RTN2: variants seen among roughly 807,000 people sequenced by gnomAD.
The protein encoded by RTN2 is reticulon-2.
Under a neutral mutation model 63.7 loss-of-function variants are expected in RTN2, and 36 were observed. That is an observed-to-expected ratio of 0.56 (90% CI 0.43 to 0.75). The LOEUF (loss-of-function observed/expected upper bound fraction) is 0.75, where lower values mean the gene tolerates loss of function less well. RTN2 is among the 30% of genes least tolerant of loss of function. The probability of loss-of-function intolerance (pLI) is 0.00; values close to 1 mark genes in which losing one functional copy is unlikely to be tolerated. For synonymous variants in RTN2, 312 were observed against 313.0 expected (o/e 1.00, Z 0.03); for missense variants, 673 against 705.1 (o/e 0.95, Z 0.52).
rs1968285052 is a variant in RTN2 at position 45,496,924 on chromosome 19, G to T, written c.-99C>A. On this transcript the variant is annotated 5_prime_UTR_variant, in exon 1 of 11. Coordinates refer to ENST00000245923, the MANE Select transcript of RTN2 (RefSeq NM_005619.5). The stretch of plus-strand genomic sequence containing the variant: ...TCATCTCCGCCGCGCCCACGACGCC[G>T]CTGCCATTCTCGCCGCCTCCTCCTC... 3 of 660,316 alleles carry T rather than the reference G, an allele frequency of 4.5e-6. No individual in the cohort carries two copies. The highest frequency in any genetic ancestry group is 6.6e-6 in the Non-Finnish European group (3 of 451,516). 40.9% of individuals were successfully genotyped at this position (660,316 alleles called of 1,614,324 possible).
chr19:45,487,193 G>A (rs1027830954), intron 9 of RTN2, among the ~76,000 whole-genome samples: 1 of 151,824 alleles, frequency 6.6e-6, no homozygotes, highest in South Asian at 2.1e-4. Context: ...ATAGGTGTGT[G>A]CCACCACACC....
At chr19:45,495,036 C>G in intron 2 of RTN2, 31 bp from the exon 3 acceptor site, 2 of 1,614,158 alleles carry the variant, frequency 1.2e-6, no homozygotes, top group Non-Finnish European at 1.7e-6. Context: ...CCTTGTTTCC[C>G]TCAGCAGGTC....
chr19:45,490,414 A>G (rs1968129380), intron 5 of RTN2, among the ~76,000 whole-genome samples: 1 of 152,010 alleles, frequency 6.6e-6, no homozygotes, highest in East Asian at 1.9e-4. Flanking sequence ...TTTGTTTCCT[A>G]ACCCCTTCAC....
chr19:45,486,571 G>A (rs1329188497), intron 9 of RTN2, among the ~76,000 whole-genome samples: 1 of 152,076 alleles, frequency 6.6e-6, no homozygotes, highest in Non-Finnish European at 1.5e-5. Flanking sequence ...GAGTGCAGTG[G>A]CATGATCTCG....
In RTN2 at chr19:45,485,625, T is replaced by C. The variant is rs1310362456; in HGVS notation, c.*83A>G. 3 of 1,016,888 alleles carry C rather than the reference T, an allele frequency of 3.0e-6. No individual in the cohort carries two copies. The highest frequency in any genetic ancestry group is 3.7e-5 in the Admixed American group (2 of 53,430). The allele number at this position is 1,016,888 out of a possible 1,614,324, so 63.0% of individuals were successfully genotyped here. A position where few individuals can be genotyped will look rare whatever the true frequency, so the allele number is the denominator to read the frequency against. ...AAAAGGCTCGGGCCGAGGAGGGGGG[T>C]GGGTGGGAACGGACAAGAGATGGAG... On this transcript the variant is annotated 3_prime_UTR_variant, in exon 11 of 11. Coordinates refer to ENST00000245923, the MANE Select transcript of RTN2 (RefSeq NM_005619.5).
At chr19:45,488,826 G>A (rs2122209910) in intron 7 of RTN2, 22 bp downstream of exon 7, 2 of 1,598,868 alleles carry the variant, frequency 1.3e-6, no homozygotes, top group South Asian at 2.3e-5. Context: ...GAACCCAGGA[G>A]GGGCTGAGAG....
chr19:45,492,965 G>T (rs1032143203), intron 5 of RTN2, among the ~76,000 whole-genome samples, 195 bp downstream of exon 5: 3 of 152,202 alleles, frequency 2.0e-5, no homozygotes, highest in Non-Finnish European at 4.4e-5. Flanking sequence ...GCCCCAAAGT[G>T]CTGGCTCGAA....
chr19:45,489,655 G>C lies in RTN2; in HGVS notation c.1034-102C>G, dbSNP rs138480045. The C allele has an allele frequency of 6.5e-4, 416 of 642,786 alleles. 1 individual carries two copies. The African/African-American group carries it at 6.8e-3, about 11-fold the overall frequency. The allele number at this position is 642,786 out of a possible 1,614,324, so 39.8% of individuals were successfully genotyped here. On this transcript the variant is annotated intron_variant, in intron 5 of 10. Coordinates refer to ENST00000245923, the MANE Select transcript of RTN2 (RefSeq NM_005619.5). ...CTGAAAATGACTTCTCGACACACCT[G>C]TTTGAGCATAACCTGATTTCCTTTT...
intron 1 of RTN2, among the ~76,000 whole-genome samples, chr19:45,496,141 C>T (rs1296194125): frequency 6.6e-6 from 1 of 152,152 alleles, no homozygotes; most frequent in Non-Finnish European, 1.5e-5. Flanking sequence ...GAGCTTTGCA[C>T]ATAGATGATG....
chr19:45,496,853 C>A lies in RTN2; in HGVS notation c.-28G>T. ...CCCCCCTCGGGCCTGCATCGGGACC[C>A]CCGCCCACTCCGGCTGTGCCGCCCT... is the stretch of plus-strand genomic sequence containing the variant. On this transcript the variant is annotated 5_prime_UTR_variant, in exon 1 of 11. Transcript: ENST00000245923. 1 of 1,432,082 alleles carries A rather than the reference C, an allele frequency of 7.0e-7. No individual in the cohort carries two copies. The highest frequency in any genetic ancestry group is 9.3e-7 in the Non-Finnish European group (1 of 1,075,578). 88.7% of individuals were successfully genotyped at this position (1,432,082 alleles called of 1,614,324 possible).
chr19:45,485,731 C>T lies in RTN2; in HGVS notation c.1615G>A (p.Gly539Arg), dbSNP rs746503479. ...TCTCATTCGGCTTTGGCTTTGGATC[C>T]GGAGACTGCGGCTGCTGCAGAGGCC... The part of the protein sequence containing the change: ...ALASAAAAVS[G>R]SKAKAE The change falls in exon 11 of 11, where the codon GGA becomes AGA. Residue 539 changes from glycine to arginine, a missense_variant. Coordinates refer to ENST00000245923, the MANE Select transcript of RTN2 (RefSeq NM_005619.5). 2 of 1,614,022 alleles carry T rather than the reference C, an allele frequency of 1.2e-6. No homozygotes were observed. The highest frequency in any genetic ancestry group is 2.2e-5 in the East Asian group (1 of 44,866).
intron 1 of RTN2, among the ~76,000 whole-genome samples, chr19:45,495,865 C>T (rs1251005591): frequency 6.6e-6 from 1 of 152,172 alleles, no homozygotes; most frequent in East Asian, 1.9e-4. Flanking sequence ...CGAGGTGGTC[C>T]TCCCTTTGTA....
intron 9 of RTN2, among the ~76,000 whole-genome samples, chr19:45,487,583 G>GTTTTTTTTTTTTTTTTTTTTTTTTTTGTT (rs4031036): frequency 3.8e-5 from 4 of 105,754 alleles, no homozygotes; most frequent in Non-Finnish European, 7.4e-5. Flanking sequence ...TTATTTTTTG[G>GTTTTTTTTTTTTTTTTTTTTTTTTTTGTT]TTTTTTTTTT....
chr19:45,485,637 G>A lies in RTN2; in HGVS notation c.*71C>T. ...CCGAGGAGGGGGGTGGGTGGGAACG[G>A]ACAAGAGATGGAGGGGGCCAGAGGG... On this transcript the variant is annotated 3_prime_UTR_variant, in exon 11 of 11. Coordinates refer to ENST00000245923, the MANE Select transcript of RTN2 (RefSeq NM_005619.5). 1 of 1,288,898 alleles carries A rather than the reference G, an allele frequency of 7.8e-7. No individual in the cohort carries two copies. The highest frequency in any genetic ancestry group is 1.2e-5 in the South Asian group (1 of 84,588). 79.8% of individuals were successfully genotyped at this position (1,288,898 alleles called of 1,614,324 possible). A position where few individuals can be genotyped will look rare whatever the true frequency, so the allele number is the denominator to read the frequency against.
chr19:45,489,602 T>C, intron 5 of RTN2, 49 bp from the exon 6 acceptor site: 2 of 1,343,116 alleles, frequency 1.5e-6, no homozygotes, highest in Non-Finnish European at 2.1e-6. Flanking sequence ...CTGGCTGGTC[T>C]CCTCACCTCC....
At chr19:45,489,589 G>GCCAGGTCAGGT in intron 5 of RTN2, 36 bp from the exon 6 acceptor site, 1 of 1,504,442 alleles carries the variant, frequency 6.6e-7, no homozygotes, top group Non-Finnish European at 9.1e-7. Flanking sequence ...GCTTGTACCT[G>GCCAGGTCAGGT]ACCTGGCTGG....
Position 45,494,665 on chromosome 19 carries a change from C to T in RTN2, c.420G>A (p.Leu140=). 5 of 1,613,890 alleles carry T rather than the reference C, an allele frequency of 3.1e-6. No homozygotes were observed. Among genetic ancestry groups the T allele is most frequent in the Non-Finnish European group, 4.2e-6 (5 of 1,180,018 alleles). ...AGCCCAGATGGTCCAACCGAAGCCT[C>T]AGGTCTTCCAGAGGGCGCTCGGATG... ...APPSERPLED[L]RLRLDHLGWV... is the part of the protein sequence containing the mutation. The change falls in exon 3 of 11, where the codon CTG becomes CTA. Residue 140 remains leucine, a synonymous_variant. Transcript: ENST00000245923. The surrounding 1 kb of genome is among the most constrained non-coding windows in gnomAD (Gnocchi z 5.3).
rs149694643 is a variant in RTN2 at position 45,490,190 on chromosome 19, C to T, written c.1034-637G>A. Among the ~76,000 whole-genome samples the T allele has an allele frequency of 5.3e-5, 8 of 151,746 alleles. No homozygotes were observed. The East Asian group carries it at 1.2e-3, about 22-fold the overall frequency. On this transcript the variant is annotated intron_variant, in intron 5 of 10. Coordinates refer to ENST00000245923, the MANE Select transcript of RTN2 (RefSeq NM_005619.5). ...CTAATTTTTGTATTTTTAGTAGAGA[C>T]GGGGTTTCACCATGTTGGTCAGGCT... is the stretch of plus-strand genomic sequence containing the variant.
Position 45,486,046 on chromosome 19 carries a change from T to C in RTN2, c.1556+9A>G. The C allele has an allele frequency of 6.2e-7, 1 of 1,613,888 alleles. No homozygotes were observed. The highest frequency in any genetic ancestry group is 8.5e-7 in the Non-Finnish European group (1 of 1,179,830). On this transcript the variant is annotated intron_variant, in intron 10 of 10. Transcript: ENST00000245923. The stretch of plus-strand genomic sequence containing the variant: ...CCCCCTCCCATCGACCTCCGCCCCA[T>C]GCTCTTACTTAGCTTTGATGTGGCT...
Sources: allele counts gnomAD v4.1 joint callset (sites outside exome capture counted in the v4.1 genomes callset), GRCh38; gene constraint gnomAD v4.1.1; non-coding constraint Gnocchi (gnomAD v3.1); transcripts MANE v1.5; gene names NCBI Gene and HGNC (gene_info 2026-07-23, HGNC 2026-07-21).